The following VPS8 variants were observed in gnomAD, a reference collection of about 807,000 sequenced individuals.
The protein encoded by VPS8 is VPS8 subunit of CORVET complex.
A neutral mutation model predicts 216.4 loss-of-function variants in VPS8; 129 were observed. The ratio of observed to expected loss-of-function variants is 0.60; its 90% CI spans 0.52 to 0.69. The LOEUF (loss-of-function observed/expected upper bound fraction) is 0.69. Ranked by LOEUF, VPS8 falls within the 30% of genes least tolerant of loss-of-function variation. The probability of loss-of-function intolerance (pLI) is 0.00; values close to 1 mark genes in which losing one functional copy is unlikely to be tolerated. For missense variants in VPS8, 1,531 were observed against 1,683.5 expected (o/e 0.91, Z 1.59); for synonymous variants, 571 against 565.4 (o/e 1.01, Z -0.14).
intron 1 of VPS8, chr3:184,812,898 T>TAG (rs1395509994): frequency 6.6e-6 from 1 of 152,184 alleles, no homozygotes; most frequent in Non-Finnish European, 1.5e-5. Context: ...GTCCACCTCT[T>TAG]AGGATCGGTG....
intron 18 of VPS8, 103 bp from the exon 19 acceptor site, chr3:184,868,843 G>A (rs1225793851): frequency 3.5e-6 from 3 of 858,046 alleles, no homozygotes; most frequent in East Asian, 5.3e-5. Flanking sequence ...AATAATTTTA[G>A]CCACTAAGCA....
intron 34 of VPS8, among the ~76,000 whole-genome samples, chr3:184,933,230 A>G (rs1181847691): frequency 2.0e-5 from 3 of 152,218 alleles, no homozygotes; most frequent in Non-Finnish European, 2.9e-5. Flanking sequence ...TATCCTTGGC[A>G]GACTTTAAAT....
At chr3:184,902,618 T>C (rs1734745574) in intron 25 of VPS8, among the ~76,000 whole-genome samples, 1 of 151,226 alleles carries the variant, frequency 6.6e-6, no homozygotes. Flanking sequence ...GATCACGAGG[T>C]CAGGAGTTCG....
At chr3:184,831,513 G>A in intron 3 of VPS8, among the ~76,000 whole-genome samples, 1 of 152,178 alleles carries the variant, frequency 6.6e-6, no homozygotes, top group East Asian at 1.9e-4. Flanking sequence ...GAGACGGTGA[G>A]ACATTGTTCT....
chr3:185,042,220 T>C (rs1313390590), intron 46 of VPS8, among the ~76,000 whole-genome samples: 1 of 152,232 alleles, frequency 6.6e-6, no homozygotes, highest in East Asian at 1.9e-4. Flanking sequence ...ATCTGGATTG[T>C]GTTGTCTTCC....
intron 45 of VPS8, among the ~76,000 whole-genome samples, chr3:185,013,546 A>G (rs1378551101): frequency 6.6e-6 from 1 of 152,306 alleles, no homozygotes; most frequent in Non-Finnish European, 1.5e-5. Flanking sequence ...GATACTTTAA[A>G]TATTTGTTCT....
intron 46 of VPS8, among the ~76,000 whole-genome samples, chr3:185,039,606 C>T (rs1165016792): frequency 6.6e-6 from 1 of 151,532 alleles, no homozygotes; most frequent in Non-Finnish European, 1.5e-5. Context: ...AATCTGTCTC[C>T]CTATGCTGGC....
At chr3:184,998,244 T>C (rs1379118518) in intron 44 of VPS8, among the ~76,000 whole-genome samples, 2 of 152,086 alleles carry the variant, frequency 1.3e-5, no homozygotes, top group Admixed American at 1.3e-4. Context: ...GTCTTAAGGA[T>C]TACTCTGACT....
chr3:184,860,184 A>G, intron 15 of VPS8, 119 bp downstream of exon 15: 1 of 929,320 alleles, frequency 1.1e-6, no homozygotes, highest in Non-Finnish European at 1.6e-6. Flanking sequence ...CATATGAAAT[A>G]TGGACAGTCC....
intron 37 of VPS8, among the ~76,000 whole-genome samples, chr3:184,957,877 G>C (rs1745880797): frequency 6.6e-6 from 1 of 152,208 alleles, no homozygotes; most frequent in Non-Finnish European, 1.5e-5. Flanking sequence ...TGTATGGGAA[G>C]ATAGTCAGCT....
intron 45 of VPS8, 50 bp downstream of exon 45, chr3:184,999,911 T>G (rs760736516): frequency 2.7e-5 from 42 of 1,547,314 alleles, no homozygotes; most frequent in Non-Finnish European, 3.5e-5. Context: ...CTTACCAATG[T>G]CATTTGGGCC....
At chr3:185,011,855 G>A (rs1168434250) in intron 45 of VPS8, among the ~76,000 whole-genome samples, 1 of 152,140 alleles carries the variant, frequency 6.6e-6, no homozygotes, top group Non-Finnish European at 1.5e-5. Context: ...CCCAGATGCT[G>A]GAATTGGCAG....
At chr3:184,994,154 C>T in intron 43 of VPS8, 91 bp downstream of exon 43, 2 of 940,924 alleles carry the variant, frequency 2.1e-6, no homozygotes, top group South Asian at 2.1e-5. Flanking sequence ...AAAAAAATTA[C>T]CATCTATTTA....
At chr3:184,865,814 C>G (rs1727242760) in intron 16 of VPS8, among the ~76,000 whole-genome samples, 1 of 151,966 alleles carries the variant, frequency 6.6e-6, no homozygotes, top group Non-Finnish European at 1.5e-5. Context: ...GTAGTGAAAC[C>G]CTGTTTCTAC....
At position 185,052,151 on chromosome 3, in the gene VPS8, C is replaced by T. The variant is rs960240908; in HGVS notation, c.*126C>T. 2 of 1,124,324 alleles carry T rather than the reference C, an allele frequency of 1.8e-6. No individual in the cohort carries two copies. The highest frequency in any genetic ancestry group is 1.6e-5 in the African/African-American group (1 of 63,140). 69.6% of individuals were successfully genotyped at this position (1,124,324 alleles called of 1,614,324 possible). A position where few individuals can be genotyped will look rare whatever the true frequency, so the allele number is the denominator to read the frequency against. On this transcript the variant is annotated 3_prime_UTR_variant, in exon 48 of 48. Coordinates refer to ENST00000625842, the MANE Select transcript of VPS8 (RefSeq NM_001009921.3). ...TTCTGAGAAGAGGTTCCAAATTGGG[C>T]TTCTGTGCCCAGAGCGTCCACAGCA...
intron 21 of VPS8, among the ~76,000 whole-genome samples, chr3:184,877,367 GATAA>G (rs1245247265): frequency 6.6e-6 from 1 of 152,174 alleles, no homozygotes; most frequent in African/African-American, 2.4e-5. Context: ...CAGTGTCCTT[GATAA>G]ATAGTTGTTG....
intron 14 of VPS8, among the ~76,000 whole-genome samples, chr3:184,856,475 T>G (rs1199259331): frequency 6.6e-6 from 1 of 152,204 alleles, no homozygotes; most frequent in Non-Finnish European, 1.5e-5. Context: ...AATGTGCCTT[T>G]GTATTAATAA....
At chr3:184,977,315 T>C (rs1385103625) in intron 40 of VPS8, among the ~76,000 whole-genome samples, 1 of 152,200 alleles carries the variant, frequency 6.6e-6, no homozygotes, top group Non-Finnish European at 1.5e-5. Flanking sequence ...TATTTGTTTT[T>C]TGCTTGTTGA....
At chr3:184,926,140 C>T (rs1232034492) in intron 30 of VPS8, among the ~76,000 whole-genome samples, 2 of 150,672 alleles carry the variant, frequency 1.3e-5, no homozygotes, top group African/African-American at 2.4e-5. Context: ...CTTTGGGAGG[C>T]CGAGGCGGGC....
Sources: gnomAD v4.1 joint callset for allele counts (sites outside exome capture counted in the v4.1 genomes callset) on GRCh38, gnomAD v4.1.1 for gene constraint, MANE v1.5 for transcripts, NCBI Gene and HGNC (gene_info 2026-07-23, HGNC 2026-07-21) for gene names.